The following KIF2C variants were observed in gnomAD, a reference collection of about 807,000 sequenced individuals.
KIF2C encodes the protein kinesin family member 2C, also known as kinesin-like protein KIF2C.
In KIF2C, 34 loss-of-function variants were observed where a neutral mutation model predicts 97.4. That is an observed-to-expected ratio of 0.35 (90% CI 0.27 to 0.46). The LOEUF is 0.46. Among genes scored for constraint, KIF2C ranks in the 20% least tolerant of loss-of-function variants. KIF2C has a pLI of 1.00. For synonymous variants in KIF2C, 313 were observed against 318.2 expected, an observed-to-expected ratio of 0.98 and a Z score of 0.17; for missense variants, 750 against 907.6, an observed-to-expected ratio of 0.83 and a Z score of 2.23.
intron 16 of KIF2C, among the ~76,000 whole-genome samples, chr1:44,761,591 G>A (rs1650147778): frequency 6.6e-6 from 1 of 151,466 alleles, no homozygotes; most frequent in South Asian, 2.1e-4. Flanking sequence ...CTGGGCGACA[G>A]AGTGAGACTC....
At chr1:44,742,527 G>A (rs1177254054) in intron 2 of KIF2C, among the ~76,000 whole-genome samples, 2 of 151,744 alleles carry the variant, frequency 1.3e-5, no homozygotes, top group African/African-American at 2.4e-5. Context: ...AGACCAGCCT[G>A]GCCAACATAG....
Position 44,744,676 on chromosome 1 carries a change from G to A in KIF2C, c.166-2708G>A, listed in dbSNP as rs550839156. 1.7e-4 allele frequency among the ~76,000 whole-genome samples: 26 copies of A among 152,176 alleles called. 1 individual carries two copies. In the South Asian group the frequency reaches 3.1e-3, roughly 18 times the overall value. ...AGCACTCTGGGAAGCTGAAGCGGGC[G>A]GATCATGAGGTCAGGAGTTCAAGAC... On this transcript the variant is annotated intron_variant, in intron 2 of 20. Coordinates refer to ENST00000372224, the MANE Select transcript of KIF2C (RefSeq NM_006845.4).
intron 2 of KIF2C, chr1:44,746,649 G>T: frequency 6.5e-7 from 1 of 1,548,580 alleles, no homozygotes; most frequent in East Asian, 2.4e-5. Context: ...GCCTAGATCT[G>T]CTGTGGAGTA....
chr1:44,759,170 C>G (rs1481420582), intron 13 of KIF2C, 36 bp from the exon 14 acceptor site: 2 of 1,612,264 alleles, frequency 1.2e-6, no homozygotes, highest in Non-Finnish European at 1.7e-6. Flanking sequence ...GCCGGGTGCC[C>G]AGTGGCCTTA....
intron 5 of KIF2C, among the ~76,000 whole-genome samples, chr1:44,751,319 C>A (rs1467674381): frequency 1.3e-5 from 2 of 152,006 alleles, no homozygotes; most frequent in Non-Finnish European, 2.9e-5. Flanking sequence ...CCTCAGCCTC[C>A]TGGGTAGCTG....
chr1:44,744,516 C>T (rs1017584206), intron 2 of KIF2C, among the ~76,000 whole-genome samples: 1 of 152,232 alleles, frequency 6.6e-6, no homozygotes, highest in African/African-American at 2.4e-5. Flanking sequence ...GCCTAATTCC[C>T]TGCTGCCTTT....
intron 19 of KIF2C, 77 bp downstream of exon 19, chr1:44,762,735 C>G: frequency 1.1e-6 from 1 of 942,860 alleles, no homozygotes; most frequent in Non-Finnish European, 1.7e-6. Context: ...CAGAACATGA[C>G]CTGGGCCTTG....
chr1:44,746,875 CTA>C, intron 2 of KIF2C: 2 of 1,069,970 alleles, frequency 1.9e-6, no homozygotes, highest in Non-Finnish European at 2.7e-6. Context: ...TTAATTTTTT[CTA>C]TGTTGTTTTT....
chr1:44,748,842 C>T (rs1649358440), intron 4 of KIF2C, among the ~76,000 whole-genome samples: 1 of 151,866 alleles, frequency 6.6e-6, no homozygotes, highest in South Asian at 2.1e-4. Flanking sequence ...CCACCATGCC[C>T]AGCCAATAGC....
intron 2 of KIF2C, among the ~76,000 whole-genome samples, chr1:44,744,672 G>A (rs549056604): frequency 1.7e-3 from 258 of 152,256 alleles, no homozygotes; most frequent in African/African-American, 6.1e-3. Context: ...AAGCTGAAGC[G>A]GGCGGATCAT....
chr1:44,747,916 G>A (rs1573555228), intron 4 of KIF2C, among the ~76,000 whole-genome samples: 1 of 152,342 alleles, frequency 6.6e-6, no homozygotes, highest in Non-Finnish European at 1.5e-5. Context: ...TTTGCTGCCT[G>A]GCCTAGAAAC....
In KIF2C at chr1:44,754,806, G is replaced by A. The variant is rs370389829; in HGVS notation, c.720G>A (p.Arg240=). ...TTGCCCGAATGATTAAAGAATTTCG[G>A]GCTACTTTGGAATGTCATCCACTTA... ...WEFARMIKEF[R]ATLECHPLTM... Residue 240 remains arginine (R), a synonymous_variant, in exon 8 of 21, where the codon CGG becomes CGA. Transcript: ENST00000372224. 5.0e-6 allele frequency: 8 copies of A among 1,613,224 alleles called. No homozygotes were observed. The African/African-American group carries it at 1.1e-4, about 22-fold the overall frequency.
chr1:44,756,420 G>C (rs1170572259), intron 10 of KIF2C, among the ~76,000 whole-genome samples, 183 bp downstream of exon 10: 1 of 152,032 alleles, frequency 6.6e-6, no homozygotes, highest in African/African-American at 2.4e-5. Flanking sequence ...ACTGAATGAG[G>C]TATCACCCGT....
At chr1:44,751,861 G>A (rs1484284825) in intron 5 of KIF2C, among the ~76,000 whole-genome samples, 4 of 115,536 alleles carry the variant, frequency 3.5e-5, no homozygotes, top group Non-Finnish European at 6.6e-5. Flanking sequence ...TCGCTGTGTC[G>A]CCCAGGCTGG....
At chr1:44,749,778 C>CT (rs767904733) in intron 4 of KIF2C, among the ~76,000 whole-genome samples, 15 of 150,342 alleles carry the variant, frequency 1.0e-4, no homozygotes, top group African/African-American at 3.4e-4. Flanking sequence ...GTGTGAGACT[C>CT]TGTCTCTCAA....
At chr1:44,741,105 T>C in intron 2 of KIF2C, 98 bp downstream of exon 2, 1 of 909,784 alleles carries the variant, frequency 1.1e-6, no homozygotes, top group Non-Finnish European at 1.7e-6. Context: ...TCTGATGCTG[T>C]GCTCTTCTCA....
intron 7 of KIF2C, 113 bp from the exon 8 acceptor site, chr1:44,754,637 A>G: frequency 2.6e-6 from 2 of 769,910 alleles, no homozygotes; most frequent in East Asian, 2.5e-5. Flanking sequence ...CAGGGCAGGG[A>G]CTTTGACAAC....
At position 44,760,209 on chromosome 1, in the gene KIF2C, G is replaced by A; in HGVS notation, c.1368-71G>A. 1 of 1,425,074 alleles carries A rather than the reference G, an allele frequency of 7.0e-7. No individual in the cohort carries two copies. Among genetic ancestry groups the A allele is most frequent in the Non-Finnish European group, 9.8e-7 (1 of 1,017,462 alleles). The allele number at this position is 1,425,074 out of a possible 1,614,324, so 88.3% of individuals were successfully genotyped here. On this transcript the variant is annotated intron_variant, in intron 14 of 20. Transcript: ENST00000372224. This position sits in a 1 kb window ranked among gnomAD's most constrained non-coding sequence, Gnocchi z 4.2. Reference sequence around the variant, plus strand: ...CCTAACCTGTGTCCCTCCCTTCCTAGAGAACTTCTGTGGACTTGGGTGCCA... The same window carrying A: ...CCTAACCTGTGTCCCTCCCTTCCTAAAGAACTTCTGTGGACTTGGGTGCCA...
At chr1:44,752,328 G>A (rs1450656393) in intron 5 of KIF2C, among the ~76,000 whole-genome samples, 1 of 150,926 alleles carries the variant, frequency 6.6e-6, no homozygotes, top group Non-Finnish European at 1.5e-5. Context: ...TAGAGACGGG[G>A]TTTCACTCTG....
Sources: allele counts gnomAD v4.1 joint callset (sites outside exome capture counted in the v4.1 genomes callset), GRCh38; gene constraint gnomAD v4.1.1; non-coding constraint Gnocchi (gnomAD v3.1); transcripts MANE v1.5; gene names NCBI Gene and HGNC (gene_info 2026-07-23, HGNC 2026-07-21).